Variants in CEP128 observed in about 807,000 individuals in gnomAD.
CEP128 encodes centrosomal protein 128.
In CEP128, 132 loss-of-function variants were observed where a neutral mutation model predicts 156.7. That is an observed-to-expected ratio of 0.84 (90% confidence interval 0.73 to 0.97). CEP128 has a LOEUF of 0.97. Among genes scored for constraint, CEP128 ranks in the 50% least tolerant of loss-of-function variants. The pLI, the probability that CEP128 is intolerant of heterozygous loss-of-function variation, is 0.00. For synonymous variants in CEP128, 469 were observed against 448.9 expected, an observed-to-expected ratio of 1.04 and a Z score of -0.57; for missense variants, 1,252 against 1,281.9, an observed-to-expected ratio of 0.98 and a Z score of 0.36.
chr14:80,580,473 T>TACGAGTA (rs1566791741), intron 19 of CEP128, 50 bp from the exon 20 acceptor site: 1 of 1,143,504 alleles, frequency 8.7e-7, no homozygotes, highest in East Asian at 2.4e-5. Flanking sequence ...AAAAACGAGT[T>TACGAGTA]GCCTCTTATC....
chr14:80,586,146 T>A (rs1407323968), intron 19 of CEP128, among the ~76,000 whole-genome samples: 4 of 152,224 alleles, frequency 2.6e-5, no homozygotes, highest in South Asian at 2.1e-4. Flanking sequence ...TTCTGTCTTA[T>A]AAGGGAAATC....
At chr14:80,720,285 A>G (rs1438907192) in intron 19 of CEP128, among the ~76,000 whole-genome samples, 1 of 152,208 alleles carries the variant, frequency 6.6e-6, no homozygotes, top group Non-Finnish European at 1.5e-5. Flanking sequence ...ATTGCTAATC[A>G]TGGTAAAAAA....
intron 19 of CEP128, among the ~76,000 whole-genome samples, chr14:80,732,534 A>C (rs978724844): frequency 1.4e-5 from 2 of 147,026 alleles, no homozygotes; most frequent in Non-Finnish European, 3.0e-5. Context: ...TCTCCAATAA[A>C]ACCTGTTAGG....
At chr14:80,696,374 G>A (rs951328469) in intron 19 of CEP128, among the ~76,000 whole-genome samples, 2 of 152,176 alleles carry the variant, frequency 1.3e-5, no homozygotes, top group African/African-American at 2.4e-5. Flanking sequence ...AGGTTTCAGA[G>A]GTCATGAGCA....
At chr14:80,952,252 T>C (rs1886481947) in intron 2 of CEP128, among the ~76,000 whole-genome samples, 1 of 152,074 alleles carries the variant, frequency 6.6e-6, no homozygotes, top group Admixed American at 6.5e-5. Context: ...AGATTGACCA[T>C]ATTCTGAATC....
At chr14:80,649,416 T>G (rs1365810159) in intron 19 of CEP128, among the ~76,000 whole-genome samples, 3 of 151,736 alleles carry the variant, frequency 2.0e-5, no homozygotes, top group African/African-American at 7.3e-5. Flanking sequence ...ATTAATGCAA[T>G]GGAGAAAATT....
At chr14:80,694,525 A>C (rs1195360041) in intron 19 of CEP128, among the ~76,000 whole-genome samples, 1 of 152,224 alleles carries the variant, frequency 6.6e-6, no homozygotes, top group Non-Finnish European at 1.5e-5. Flanking sequence ...GATAGACTGG[A>C]TAAATAAAAT....
chr14:80,584,043 A>C (rs1340922993), intron 19 of CEP128, among the ~76,000 whole-genome samples: 1 of 151,734 alleles, frequency 6.6e-6, no homozygotes, highest in African/African-American at 2.4e-5. Flanking sequence ...TCAATACTTA[A>C]TTGCACCCTT....
At chr14:80,862,618 A>G (rs2140159242) in intron 9 of CEP128, 139 bp downstream of exon 9, 1 of 651,652 alleles carries the variant, frequency 1.5e-6, no homozygotes, top group South Asian at 2.0e-5. Context: ...GATTCTATAC[A>G]CTGAACTATA....
intron 13 of CEP128, among the ~76,000 whole-genome samples, chr14:80,821,600 T>TAC (rs71103885): frequency 0.14 from 20,626 of 144,176 alleles, 1,332 homozygotes; most frequent in South Asian, 0.24. Context: ...CATACACACA[T>TAC]ACACACACAC....
intron 2 of CEP128, among the ~76,000 whole-genome samples, chr14:80,934,732 A>T (rs999118847): frequency 6.6e-6 from 1 of 152,230 alleles, no homozygotes; most frequent in Non-Finnish European, 1.5e-5. Context: ...AAAAGCCTGG[A>T]TTCAAACCAT....
chr14:80,873,382 T>C (rs370859043), intron 8 of CEP128, among the ~76,000 whole-genome samples: 28 of 152,342 alleles, frequency 1.8e-4, no homozygotes, highest in Middle Eastern at 3.4e-3. Flanking sequence ...GTAGACTATA[T>C]ATAGATAATA....
chr14:80,550,663 T>C (rs1172126408), intron 21 of CEP128, among the ~76,000 whole-genome samples: 1 of 151,728 alleles, frequency 6.6e-6, no homozygotes, highest in African/African-American at 2.4e-5. Flanking sequence ...TCTGTAATAA[T>C]GTATATATAT....
chr14:80,506,742 C>T (rs768396948), intron 23 of CEP128, among the ~76,000 whole-genome samples: 1 of 152,132 alleles, frequency 6.6e-6, no homozygotes, highest in Non-Finnish European at 1.5e-5. Context: ...AAAGGGCAAA[C>T]ATTTTAAAAA....
At chr14:80,914,232 T>G in intron 4 of CEP128, 90 bp downstream of exon 4, 2 of 886,272 alleles carry the variant, frequency 2.3e-6, no homozygotes, top group Non-Finnish European at 3.7e-6. Flanking sequence ...TCACAATGGT[T>G]TTTTCCTTTA....
At chr14:80,622,560 C>A (rs370808533) in intron 19 of CEP128, among the ~76,000 whole-genome samples, 1 of 150,022 alleles carries the variant, frequency 6.7e-6, no homozygotes, top group Admixed American at 6.6e-5. Context: ...ACCTACTCAT[C>A]TGACAAAGGG....
chr14:80,572,577 A>G (rs8017890), intron 20 of CEP128, among the ~76,000 whole-genome samples: 86,813 of 152,030 alleles, frequency 0.57, 25,126 homozygotes, highest in East Asian at 0.72. Flanking sequence ...TGAAGTGATC[A>G]CTTATGTTCT....
chr14:80,490,358 TG>T (rs1887283695), downstream of CEP128: 1 of 152,184 alleles, frequency 6.6e-6, no homozygotes, highest in African/African-American at 2.4e-5. Context: ...TGTGAGCCAC[TG>T]GTATAGAGAA....
chr14:80,880,200 T>C (rs559813662), intron 8 of CEP128, among the ~76,000 whole-genome samples: 25 of 152,196 alleles, frequency 1.6e-4, no homozygotes, highest in African/African-American at 6.0e-4. Flanking sequence ...TCATACATCA[T>C]ATTAACAGGA....
Sources: gnomAD v4.1 joint callset for allele counts (sites outside exome capture counted in the v4.1 genomes callset) on GRCh38, gnomAD v4.1.1 for gene constraint, MANE v1.5 for transcripts, NCBI Gene and HGNC (gene_info 2026-07-23, HGNC 2026-07-21) for gene names.